Variants in GRIK2 observed in about 807,000 individuals in gnomAD.
GRIK2 encodes glutamate ionotropic receptor kainate type subunit 2, also known as glutamate receptor ionotropic, kainate 2.
A neutral mutation model predicts 100.3 loss-of-function variants in GRIK2; 32 were observed. The ratio of observed to expected loss-of-function variants is 0.32; its 90% CI spans 0.24 to 0.43. GRIK2 has a LOEUF of 0.43. GRIK2 is among the 20% of genes least tolerant of loss of function. GRIK2 has a pLI of 1.00. For missense variants in GRIK2, 843 were observed against 1,114.9 expected, an observed-to-expected ratio of 0.76 and a Z score of 3.47; for synonymous variants, 417 against 389.4, an observed-to-expected ratio of 1.07 and a Z score of -0.83.
intron 16 of GRIK2, among the ~76,000 whole-genome samples, chr6:102,059,714 A>G (rs12201615): frequency 0.08 from 12,075 of 150,820 alleles, 634 homozygotes; most frequent in Middle Eastern, 0.17. Flanking sequence ...CATTTCTTAA[A>G]TATTTGCATA....
rs369496478 is a variant in GRIK2 at position 101,429,658 on chromosome 6, G to GA, written c.115+30273dup. On this transcript the variant is annotated intron_variant, in intron 2 of 16. Transcript: ENST00000369134. ...GGAAGAAAAATGTAACAGACTTCCT[G>GA]AAAAAAATGGAGAGGGTTTTTTTCT... is the stretch of plus-strand genomic sequence containing the variant. 4.9e-3 allele frequency among the ~76,000 whole-genome samples: 751 copies of GA among 151,964 alleles called. 6 individuals carry two copies. Among genetic ancestry groups the GA allele is most frequent in the African/African-American group, 0.018 (730 of 41,508 alleles).
intron 9 of GRIK2, among the ~76,000 whole-genome samples, 169 bp from the exon 10 acceptor site, chr6:101,818,201 C>T (rs1314654561): frequency 2.0e-5 from 3 of 152,186 alleles, no homozygotes; most frequent in Non-Finnish European, 2.9e-5. Flanking sequence ...TCACTGAACA[C>T]ACTTCACAGA....
rs115746898 is a variant in GRIK2, at chr6:101,898,751, A to T, written c.1748+8888A>T. Among the ~76,000 whole-genome samples, 1,194 of 152,082 alleles carry T rather than the reference A, an allele frequency of 7.9e-3. 22 individuals carry two copies. The highest frequency in any genetic ancestry group is 0.027 in the African/African-American group (1,129 of 41,526). The stretch of plus-strand genomic sequence containing the variant: ...ACGTGTATTAAAAGAATAAAACAAC[A>T]TTGTGAGTTTTTCTGAAGACTCAAG... On this transcript the variant is annotated intron_variant, in intron 12 of 16. Transcript: ENST00000369134.
In GRIK2 at chr6:101,807,702, C is replaced by T. The variant is rs184881004; in HGVS notation, c.1203+5264C>T. On this transcript the variant is annotated intron_variant, in intron 9 of 16. Transcript: ENST00000369134. The stretch of plus-strand genomic sequence containing the variant: ...CACATTTGACTTTCTCTGGCTGGTT[C>T]TGATTTGGAGGGTGGCAAAAAATTG... Among the ~76,000 whole-genome samples, 237 of 151,836 alleles carry T rather than the reference C, an allele frequency of 1.6e-3. 2 individuals carry two copies. The highest frequency in any genetic ancestry group is 5.0e-3 in the African/African-American group (209 of 41,460).
intron 7 of GRIK2, among the ~76,000 whole-genome samples, chr6:101,737,629 A>T (rs1775731433): frequency 6.6e-6 from 1 of 152,128 alleles, no homozygotes; most frequent in African/African-American, 2.4e-5. Context: ...GAGCTACAAG[A>T]TGAGATTTGG....
In GRIK2 at chr6:101,934,723, A is replaced by G. The variant is rs370841545; in HGVS notation, c.2085+6091A>G. Among the ~76,000 whole-genome samples the G allele has an allele frequency of 1.5e-3, 222 of 152,064 alleles. 1 individual carries two copies. The highest frequency in any genetic ancestry group is 6.8e-3 in the Middle Eastern group (2 of 294). On this transcript the variant is annotated intron_variant, in intron 14 of 16. Transcript: ENST00000369134. ...TTGTTGTCCGTTTTTATTTAGAGCA[A>G]TGGTGGTAATATAAGTATAATATAT...
At chr6:101,542,503 G>A (rs1265603407) in intron 2 of GRIK2, among the ~76,000 whole-genome samples, 1 of 151,940 alleles carries the variant, frequency 6.6e-6, no homozygotes, top group Non-Finnish European at 1.5e-5. Context: ...TTGATGCACA[G>A]TATTTAGAAG....
intron 2 of GRIK2, among the ~76,000 whole-genome samples, chr6:101,615,197 A>G (rs1263293697): frequency 6.6e-6 from 1 of 151,770 alleles, no homozygotes; most frequent in Non-Finnish European, 1.5e-5. Flanking sequence ...GTTAACTTTT[A>G]ATATAAGCTT....
chr6:102,000,249 T>C (rs1425195343), intron 14 of GRIK2, among the ~76,000 whole-genome samples: 2 of 150,220 alleles, frequency 1.3e-5, no homozygotes, highest in African/African-American at 4.9e-5. Flanking sequence ...TGATATCACC[T>C]GGGCATAGAG....
intron 2 of GRIK2, among the ~76,000 whole-genome samples, chr6:101,520,329 A>G (rs1774820934): frequency 6.6e-6 from 1 of 150,840 alleles, no homozygotes; most frequent in African/African-American, 2.4e-5. Context: ...TTCATGCATT[A>G]GGCTAATACC....
At chr6:102,014,861 G>GTTGAT (rs1433043860) in intron 14 of GRIK2, among the ~76,000 whole-genome samples, 2 of 152,066 alleles carry the variant, frequency 1.3e-5, no homozygotes, top group Non-Finnish European at 2.9e-5. Flanking sequence ...TGATTATGTA[G>GTTGAT]TTGATTTTAG....
At chr6:101,645,611 A>T (rs1781489543) in intron 4 of GRIK2, among the ~76,000 whole-genome samples, 1 of 151,962 alleles carries the variant, frequency 6.6e-6, no homozygotes, top group East Asian at 1.9e-4. Context: ...TAATGTAATA[A>T]TTCTCCATCT....
intron 2 of GRIK2, among the ~76,000 whole-genome samples, chr6:101,456,381 A>G (rs548696883): frequency 3.6e-4 from 54 of 152,024 alleles, no homozygotes; most frequent in Non-Finnish European, 7.5e-4. Flanking sequence ...TTGGCTGAAT[A>G]TTGTTTATCT....
At chr6:101,684,179 T>A (rs1771499942) in intron 6 of GRIK2, among the ~76,000 whole-genome samples, 1 of 152,120 alleles carries the variant, frequency 6.6e-6, no homozygotes, top group Non-Finnish European at 1.5e-5. Context: ...AGAAACTTAG[T>A]GGTGGGGGTG....
At chr6:102,009,645 A>T (rs1234582033) in intron 14 of GRIK2, among the ~76,000 whole-genome samples, 1 of 152,058 alleles carries the variant, frequency 6.6e-6, no homozygotes, top group Admixed American at 6.6e-5. Context: ...AGTCTTTGAT[A>T]CTCTAAGTTT....
intron 7 of GRIK2, among the ~76,000 whole-genome samples, chr6:101,719,007 T>G (rs1774262234): frequency 6.6e-6 from 1 of 151,938 alleles, no homozygotes; most frequent in Admixed American, 6.6e-5. Context: ...ATCTCAATAT[T>G]TCCATCTTCT....
At chr6:101,903,796 T>A (rs894392719) in intron 12 of GRIK2, among the ~76,000 whole-genome samples, 10 of 137,974 alleles carry the variant, frequency 7.2e-5, no homozygotes, top group East Asian at 4.2e-4. Context: ...AAAAAAAAAA[T>A]AATAGTTGGT....
intron 2 of GRIK2, among the ~76,000 whole-genome samples, chr6:101,558,422 T>G (rs1776847364): frequency 6.6e-6 from 1 of 152,208 alleles, no homozygotes; most frequent in South Asian, 2.1e-4. Context: ...GTGGAGAAAC[T>G]TTCACAGAGG....
At chr6:101,805,836 A>G (rs1780970282) in intron 9 of GRIK2, among the ~76,000 whole-genome samples, 1 of 152,050 alleles carries the variant, frequency 6.6e-6, no homozygotes, top group African/African-American at 2.4e-5. Flanking sequence ...AAGGAAGTCT[A>G]TGCTTCTGTT....
Sources: gnomAD v4.1 joint callset for allele counts (sites outside exome capture counted in the v4.1 genomes callset) on GRCh38, gnomAD v4.1.1 for gene constraint, MANE v1.5 for transcripts, NCBI Gene and HGNC (gene_info 2026-07-23, HGNC 2026-07-21) for gene names.